ZNF567: variants seen among roughly 807,000 people sequenced by gnomAD.
ZNF567 encodes the protein zinc finger protein 567.
In ZNF567, 36 loss-of-function variants were observed where a neutral mutation model predicts 53.9. The observed-to-expected ratio is 0.67, with a 90% CI of 0.51 to 0.88. The LOEUF is 0.88. ZNF567 is among the 40% of genes least tolerant of loss of function. ZNF567 has a pLI of 0.00. For synonymous variants in ZNF567, 224 were observed against 260.4 expected (o/e 0.86, Z 1.35); for missense variants, 619 against 764.7 (o/e 0.81, Z 2.25).
chr19:36,706,619 A>G (rs1393257745), intron 3 of ZNF567, among the ~76,000 whole-genome samples: 1 of 149,290 alleles, frequency 6.7e-6, no homozygotes, highest in Non-Finnish European at 1.5e-5. Context: ...GAGGGGACAC[A>G]TTCAAACTAT....
At chr19:36,683,197 C>T (rs527730648), upstream of ZNF567, among the ~76,000 whole-genome samples, 1 of 151,808 alleles carries the variant, frequency 6.6e-6, no homozygotes, top group South Asian at 2.1e-4. Flanking sequence ...CTCAGCCTCC[C>T]AAGTAGCTAG....
intron 3 of ZNF567, among the ~76,000 whole-genome samples, chr19:36,696,767 A>G (rs948007077): frequency 3.3e-5 from 5 of 152,114 alleles, no homozygotes; most frequent in African/African-American, 9.7e-5. Context: ...GCTTGCTTAC[A>G]TATTTTTGTT....
upstream of ZNF567, chr19:36,686,633 T>G (rs141079861): frequency 6.6e-6 from 1 of 152,228 alleles, no homozygotes; most frequent in East Asian, 1.9e-4. Context: ...GGAATCCTAC[T>G]CCTAGGTTCT....
downstream of ZNF567, among the ~76,000 whole-genome samples, chr19:36,722,701 C>T (rs1292277071): frequency 1.3e-5 from 2 of 152,212 alleles, no homozygotes; most frequent in African/African-American, 2.4e-5. Flanking sequence ...ATTAAACAGA[C>T]CCTCTGGCCT....
At chr19:36,718,222 G>A (rs570948595) in intron 5 of ZNF567, among the ~76,000 whole-genome samples, 2 of 152,058 alleles carry the variant, frequency 1.3e-5, no homozygotes, top group African/African-American at 2.4e-5. Flanking sequence ...GTGATCAGCC[G>A]GGCACAGTGG....
At position 36,720,659 on chromosome 19, in the gene ZNF567, A is replaced by C; in HGVS notation, c.1935A>C (p.Glu645Asp). The C allele has an allele frequency of 6.6e-7, 1 of 1,525,490 alleles. No individual in the cohort carries two copies. Among genetic ancestry groups the C allele is most frequent in the Non-Finnish European group, 8.8e-7 (1 of 1,139,388 alleles). The allele number at this position is 1,525,490 out of a possible 1,614,324, so 94.5% of individuals were successfully genotyped here. A position where few individuals can be genotyped will look rare whatever the true frequency, so the allele number is the denominator to read the frequency against. ...GAACTCACAAGGGAGAAAACATTGA[A>C]ATGCAATAAATGATGTGGTTTCTTA... ...HQRTHKGENI[E>D]MQ Residue 645 changes from glutamate (E) to aspartate (D), a missense_variant, in exon 6 of 6, where the codon GAA (glutamate) becomes GAC (aspartate). By Grantham distance (45) the Glu-to-Asp change is conservative. Transcript: ENST00000682579.
At chr19:36,722,693 TAAAC>T (rs1437148288), downstream of ZNF567, among the ~76,000 whole-genome samples, 4 of 152,348 alleles carry the variant, frequency 2.6e-5, no homozygotes, top group Non-Finnish European at 2.9e-5. Flanking sequence ...TTAAATATAT[TAAAC>T]AGACCCTCTG....
intron 5 of ZNF567, among the ~76,000 whole-genome samples, chr19:36,715,459 C>T (rs1272921570): frequency 2.9e-5 from 4 of 137,626 alleles, no homozygotes; most frequent in Admixed American, 1.5e-4. Flanking sequence ...CCGTGCCTGG[C>T]CTCCCATTAT....
chr19:36,680,896 C>T, the ZNF567 span, among the ~76,000 whole-genome samples: 1 of 152,096 alleles, frequency 6.6e-6, no homozygotes, highest in African/African-American at 2.4e-5. Context: ...ATTTAGGACC[C>T]AACCCACCCA....
chr19:36,718,004 G>T (rs1044077843), intron 5 of ZNF567, among the ~76,000 whole-genome samples: 1 of 152,176 alleles, frequency 6.6e-6, no homozygotes, highest in African/African-American at 2.4e-5. Flanking sequence ...CTTTTTTAAA[G>T]TTGCTATCGG....
At chr19:36,674,735 C>T in the ZNF567 span, among the ~76,000 whole-genome samples, 1 of 151,998 alleles carries the variant, frequency 6.6e-6, no homozygotes, top group African/African-American at 2.4e-5. Context: ...ATATGCTTAG[C>T]TGTAAATCTA....
chr19:36,702,079 G>A (rs974487085), intron 3 of ZNF567, among the ~76,000 whole-genome samples: 1 of 151,988 alleles, frequency 6.6e-6, no homozygotes. Context: ...TCCTTTCCAC[G>A]TTTAGTGCTT....
At chr19:36,709,913 G>A (rs2039689678) in intron 3 of ZNF567, among the ~76,000 whole-genome samples, 1 of 152,190 alleles carries the variant, frequency 6.6e-6, no homozygotes, top group Non-Finnish European at 1.5e-5. Flanking sequence ...ATTTGGCTAA[G>A]TGTGGTTTTC....
At chr19:36,675,814 A>G in the ZNF567 span, among the ~76,000 whole-genome samples, 1 of 152,162 alleles carries the variant, frequency 6.6e-6, no homozygotes. Context: ...ACGCTGCTGC[A>G]CTCCAGACTG....
chr19:36,723,974 A>G (rs2040323481), downstream of ZNF567, among the ~76,000 whole-genome samples: 1 of 145,692 alleles, frequency 6.9e-6, no homozygotes, highest in South Asian at 2.2e-4. Context: ...GAAACTGTCT[A>G]TGGCTGTATC....
chr19:36,726,982 T>TTTTCTTTC (rs71266566), downstream of ZNF567: 58 of 55,416 alleles, frequency 1.0e-3, no homozygotes, highest in African/African-American at 1.4e-3. Flanking sequence ...CTTTCTTTCT[T>TTTTCTTTC]TTTCTTTCTT....
At chr19:36,700,922 T>G (rs1323910482) in intron 3 of ZNF567, among the ~76,000 whole-genome samples, 1 of 152,116 alleles carries the variant, frequency 6.6e-6, no homozygotes, top group Non-Finnish European at 1.5e-5. Flanking sequence ...CTCTATTTCC[T>G]TCAGTTCTGC....
chr19:36,724,960 T>C (rs1214016466), downstream of ZNF567, among the ~76,000 whole-genome samples: 36 of 152,072 alleles, frequency 2.4e-4, no homozygotes, highest in Admixed American at 2.2e-3. Context: ...AAGTATCTCA[T>C]TGAGATTTTG....
At chr19:36,698,112 C>A (rs1484573816) in intron 3 of ZNF567, among the ~76,000 whole-genome samples, 3 of 151,892 alleles carry the variant, frequency 2.0e-5, no homozygotes, top group African/African-American at 7.3e-5. Flanking sequence ...GTGTGATGTT[C>A]CCCTTCCTGT....
Sources: allele counts gnomAD v4.1 joint callset (sites outside exome capture counted in the v4.1 genomes callset), GRCh38; gene constraint gnomAD v4.1.1; transcripts MANE v1.5; gene names NCBI Gene and HGNC (gene_info 2026-07-23, HGNC 2026-07-21).